NOVA1: variants seen among roughly 807,000 people sequenced by gnomAD.
NOVA1 encodes RNA-binding protein Nova-1.
NOVA1 carries 7 observed loss-of-function variants against 38.0 expected under a neutral mutation model. The ratio of observed to expected loss-of-function variants is 0.18; its 90% CI spans 0.10 to 0.35. NOVA1 has a LOEUF of 0.35. NOVA1 is among the 10% of genes least tolerant of loss of function. The probability of loss-of-function intolerance (pLI) is 1.00; values close to 1 mark genes in which losing one functional copy is unlikely to be tolerated. For synonymous variants in NOVA1, 270 were observed against 232.5 expected, an observed-to-expected ratio of 1.16 and a Z score of -1.47; for missense variants, 460 against 616.0, an observed-to-expected ratio of 0.75 and a Z score of 2.68.
chr14:26,500,734 G>A (rs1887190739), intron 2 of NOVA1, among the ~76,000 whole-genome samples: 1 of 151,980 alleles, frequency 6.6e-6, no homozygotes, highest in African/African-American at 2.4e-5. Context: ...ATTGTTTACA[G>A]TAAGAAATAT....
chr14:26,573,308 T>C (rs576392019), intron 2 of NOVA1, among the ~76,000 whole-genome samples: 4 of 152,088 alleles, frequency 2.6e-5, no homozygotes, highest in African/African-American at 9.6e-5. Context: ...TCTGAAAGAG[T>C]TGGATAACCA....
At chr14:26,485,016 A>G (rs1366451224) in intron 2 of NOVA1, among the ~76,000 whole-genome samples, 1 of 152,182 alleles carries the variant, frequency 6.6e-6, no homozygotes, top group East Asian at 1.9e-4. Flanking sequence ...GACACTATAC[A>G]TAAGAGAAAT....
At chr14:26,507,033 T>C (rs1379638384) in intron 2 of NOVA1, among the ~76,000 whole-genome samples, 1 of 152,204 alleles carries the variant, frequency 6.6e-6, no homozygotes, top group Non-Finnish European at 1.5e-5. Flanking sequence ...ACCATATTAT[T>C]TTATTTTTAA....
At chr14:26,597,108 C>G in intron 1 of NOVA1, 193 bp downstream of exon 1, 1 of 1,201,606 alleles carries the variant, frequency 8.3e-7, no homozygotes, top group Non-Finnish European at 1.0e-6. Context: ...GGAAATGTGT[C>G]GGGGACACCT....
At chr14:26,474,434 T>G (rs1169072467) in intron 3 of NOVA1, among the ~76,000 whole-genome samples, 2 of 152,066 alleles carry the variant, frequency 1.3e-5, no homozygotes, top group African/African-American at 4.8e-5. Context: ...AAATTAAAAT[T>G]TAATATCGAA....
intron 4 of NOVA1, among the ~76,000 whole-genome samples, chr14:26,459,961 G>T (rs550447703): frequency 4.6e-5 from 7 of 151,852 alleles, no homozygotes; most frequent in Admixed American, 2.6e-4. Context: ...CCATATTTTT[G>T]AAATGATTTA....
At chr14:26,557,306 A>G (rs907466194) in intron 2 of NOVA1, among the ~76,000 whole-genome samples, 1 of 152,204 alleles carries the variant, frequency 6.6e-6, no homozygotes, top group East Asian at 1.9e-4. Context: ...AAACGCTGAC[A>G]TCACCATATG....
intron 4 of NOVA1, among the ~76,000 whole-genome samples, chr14:26,454,785 T>C (rs1463799852): frequency 6.6e-6 from 1 of 152,156 alleles, no homozygotes; most frequent in African/African-American, 2.4e-5. Context: ...AGGAAAGACA[T>C]GTAGATTAAT....
At chr14:26,576,853 T>C (rs1892880782) in intron 2 of NOVA1, among the ~76,000 whole-genome samples, 1 of 151,968 alleles carries the variant, frequency 6.6e-6, no homozygotes, top group East Asian at 1.9e-4. Context: ...TTTCCACAGC[T>C]ACTTTTTTGG....
chr14:26,494,878 C>A (rs1380709585), intron 2 of NOVA1, among the ~76,000 whole-genome samples: 1 of 152,150 alleles, frequency 6.6e-6, no homozygotes, highest in African/African-American at 2.4e-5. Flanking sequence ...ATAGTTTGAA[C>A]CTGTAAATAT....
chr14:26,526,018 A>C (rs1889271938), intron 2 of NOVA1, among the ~76,000 whole-genome samples: 1 of 152,056 alleles, frequency 6.6e-6, no homozygotes, highest in Non-Finnish European at 1.5e-5. Context: ...ATATATTGGA[A>C]ATATTATATA....
chr14:26,535,451 G>A lies in NOVA1; in HGVS notation c.281-55308C>T, dbSNP rs569960146. On this transcript the variant is annotated intron_variant, in intron 2 of 4. Transcript: ENST00000539517. ...TTAAAATAAAGGACAATAGGGCCAG[G>A]GAATTATTATTCTAGTAGATACTTT... is the stretch of plus-strand genomic sequence containing the variant. Among the ~76,000 whole-genome samples, 3 of 152,080 alleles carry A rather than the reference G, an allele frequency of 2.0e-5. No individual in the cohort carries two copies. The East Asian group carries it at 5.8e-4, about 29-fold the overall frequency.
chr14:26,551,769 A>G (rs992674707), intron 2 of NOVA1, among the ~76,000 whole-genome samples: 9 of 152,080 alleles, frequency 5.9e-5, no homozygotes, highest in African/African-American at 2.2e-4. Context: ...AAAGTAATGC[A>G]CATAATACTT....
intron 2 of NOVA1, among the ~76,000 whole-genome samples, chr14:26,554,127 T>TG (rs1201740040): frequency 1.0e-5 from 1 of 98,258 alleles, no homozygotes; most frequent in Admixed American, 1.4e-4. Context: ...CCAGCACGGG[T>TG]GAAAAAAAAA....
intron 4 of NOVA1, among the ~76,000 whole-genome samples, chr14:26,469,434 C>A (rs568976316): frequency 1.3e-5 from 2 of 152,068 alleles, no homozygotes; most frequent in African/African-American, 4.8e-5. Context: ...TTATTTACTA[C>A]GTTAAAGAAT....
At chr14:26,476,346 G>A (rs1884982892) in intron 3 of NOVA1, among the ~76,000 whole-genome samples, 1 of 152,036 alleles carries the variant, frequency 6.6e-6, no homozygotes, top group Non-Finnish European at 1.5e-5. Context: ...AAATCTTCCA[G>A]ATAAATTAAA....
chr14:26,479,112 T>G (rs1168800362), intron 3 of NOVA1: 1 of 152,010 alleles, frequency 6.6e-6, no homozygotes, highest in Admixed American at 6.6e-5. Flanking sequence ...AAATTAAATA[T>G]TCTGTGAATT....
intron 4 of NOVA1, among the ~76,000 whole-genome samples, chr14:26,460,320 A>G (rs1324070114): frequency 6.6e-6 from 1 of 152,048 alleles, no homozygotes; most frequent in East Asian, 1.9e-4. Context: ...TTAACATTTA[A>G]AAGATTACTG....
chr14:26,491,525 A>G (rs955357906), intron 2 of NOVA1, among the ~76,000 whole-genome samples: 3 of 152,152 alleles, frequency 2.0e-5, no homozygotes, highest in African/African-American at 7.2e-5. Flanking sequence ...TCCCAAATCC[A>G]AGGTCATGGA....
Sources: allele counts gnomAD v4.1 joint callset (sites outside exome capture counted in the v4.1 genomes callset), GRCh38; gene constraint gnomAD v4.1.1; transcripts MANE v1.5; gene names NCBI Gene and HGNC (gene_info 2026-07-23, HGNC 2026-07-21).